HSF2: variants seen among roughly 807,000 people sequenced by gnomAD.
The protein encoded by HSF2 is heat shock factor protein 2.
HSF2 carries 21 observed loss-of-function variants against 65.0 expected under a neutral mutation model. That is an observed-to-expected ratio of 0.32 (90% CI 0.23 to 0.47). HSF2 has a LOEUF of 0.47. Among genes scored for constraint, HSF2 ranks in the 20% least tolerant of loss-of-function variants. HSF2 has a pLI of 1.00. For synonymous variants in HSF2, 225 were observed against 219.1 expected (o/e 1.03, Z -0.24); for missense variants, 499 against 628.1 (o/e 0.79, Z 2.20).
chr6:122,422,404 C>T, intron 8 of HSF2, 106 bp downstream of exon 8: 1 of 916,640 alleles, frequency 1.1e-6, no homozygotes. Flanking sequence ...ATCTTTCTCA[C>T]ATTTGGATTA....
intron 11 of HSF2, among the ~76,000 whole-genome samples, chr6:122,429,183 A>G (rs945026871): frequency 2.6e-5 from 4 of 152,068 alleles, no homozygotes; most frequent in African/African-American, 4.8e-5. Context: ...TTCAGTAAAT[A>G]TATTACTGAA....
chr6:122,408,335 TAAAA>T (rs368804491), intron 1 of HSF2, among the ~76,000 whole-genome samples: 27 of 133,034 alleles, frequency 2.0e-4, no homozygotes, highest in Admixed American at 7.5e-4. Context: ...TCAAGTTCCA[TAAAA>T]AAAAAAAAAG....
At chr6:122,421,677 G>A (rs1300551396) in intron 7 of HSF2, among the ~76,000 whole-genome samples, 1 of 151,964 alleles carries the variant, frequency 6.6e-6, no homozygotes, top group East Asian at 1.9e-4. Flanking sequence ...ATGTAACTGA[G>A]AGAGGTGAAG....
At chr6:122,429,365 C>T (rs192645761) in intron 11 of HSF2, among the ~76,000 whole-genome samples, 1,645 of 151,468 alleles carry the variant, frequency 0.011, 14 homozygotes, top group Middle Eastern at 0.037. Context: ...AGCAGTTAAG[C>T]AACAAATTGC....
chr6:122,408,760 A>G (rs1301529273), intron 1 of HSF2, among the ~76,000 whole-genome samples: 1 of 151,718 alleles, frequency 6.6e-6, no homozygotes, highest in Non-Finnish European at 1.5e-5. Context: ...AGCAATTATC[A>G]TGGCATTCTG....
intron 8 of HSF2, 60 bp from the exon 9 acceptor site, chr6:122,422,658 A>G (rs1322929366): frequency 6.5e-7 from 1 of 1,547,068 alleles, no homozygotes; most frequent in Non-Finnish European, 8.9e-7. Context: ...GAATGAATGG[A>G]TAGTATGAAC....
chr6:122,427,032 T>C (rs548537410), intron 10 of HSF2, among the ~76,000 whole-genome samples: 37 of 152,174 alleles, frequency 2.4e-4, no homozygotes, highest in Admixed American at 2.0e-3. Context: ...GGTACTGATA[T>C]ATATCACATA....
At chr6:122,431,644 A>G in intron 12 of HSF2, 130 bp downstream of exon 12, 1 of 548,770 alleles carries the variant, frequency 1.8e-6, no homozygotes, top group Non-Finnish European at 3.2e-6. Flanking sequence ...AGGTTCTAGT[A>G]TATAGAGAAA....
At chr6:122,412,268 G>A (rs1204052098) in intron 1 of HSF2, 105 bp from the exon 2 acceptor site, 11 of 690,576 alleles carry the variant, frequency 1.6e-5, no homozygotes, top group South Asian at 1.2e-4. Flanking sequence ...AAGACATCAA[G>A]GAGGGACTGG....
At chr6:122,429,038 G>A (rs1398598340) in intron 11 of HSF2, among the ~76,000 whole-genome samples, 2 of 152,066 alleles carry the variant, frequency 1.3e-5, no homozygotes, top group Non-Finnish European at 2.9e-5. Context: ...AGCAGATACA[G>A]ACAATATGTA....
Position 122,416,248 on chromosome 6 carries a change from G to T in HSF2, c.483G>T (p.Val161=). 1 of 1,610,280 alleles carries T rather than the reference G, an allele frequency of 6.2e-7. No homozygotes were observed. Among genetic ancestry groups the T allele is most frequent in the Non-Finnish European group, 8.5e-7 (1 of 1,176,718 alleles). ...AGAATGAGTCCCTTTGGAAGGAGGT[G>T]TCAGAATTACGAGCAAAGCATGCAC... ...KSENESLWKE[V]SELRAKHAQQ... The change falls in exon 5 of 13, where the codon GTG becomes GTT. Residue 161 remains valine, a synonymous_variant. Transcript: ENST00000368455.
Position 122,412,683 on chromosome 6 carries a change from A to G in HSF2, c.249A>G (p.Gln83=). 1 of 1,612,572 alleles carries G rather than the reference A, an allele frequency of 6.2e-7. No individual in the cohort carries two copies. Among genetic ancestry groups the G allele is most frequent in the Non-Finnish European group, 8.5e-7 (1 of 1,178,692 alleles). The change falls in exon 3 of 13, where the codon CAA becomes CAG. Residue 83 remains glutamine, a synonymous_variant. Coordinates refer to ENST00000368455, the MANE Select transcript of HSF2 (RefSeq NM_004506.4). ...VVHIDSGIVK[Q]ERDGPVEFQH... ...ATATCGACTCTGGAATTGTAAAGCA[A>G]GAAAGAGATGGTCCTGTAGAATTTC...
At chr6:122,419,921 T>C (rs1022092283) in intron 6 of HSF2, among the ~76,000 whole-genome samples, 5 of 151,762 alleles carry the variant, frequency 3.3e-5, no homozygotes, top group African/African-American at 1.2e-4. Flanking sequence ...ACAAAAAGAG[T>C]GTAGAAAAGT....
intron 1 of HSF2, among the ~76,000 whole-genome samples, chr6:122,401,824 C>CA (rs1773740669): frequency 6.6e-6 from 1 of 152,062 alleles, no homozygotes; most frequent in Non-Finnish European, 1.5e-5. Flanking sequence ...TTTGAAATGA[C>CA]TCTTAGAGAT....
chr6:122,407,836 G>A (rs1019386487), intron 1 of HSF2, among the ~76,000 whole-genome samples: 1 of 152,102 alleles, frequency 6.6e-6, no homozygotes, highest in African/African-American at 2.4e-5. Context: ...TCAACAACAG[G>A]CGTTTATTTT....
chr6:122,432,269 C>T lies in HSF2; in HGVS notation c.*49C>T, dbSNP rs1352565279. On this transcript the variant is annotated 3_prime_UTR_variant, in exon 13 of 13. Coordinates refer to ENST00000368455, the MANE Select transcript of HSF2 (RefSeq NM_004506.4). ...TGTATATATTCATCAAAATGATGAA[C>T]TATTTATTTTAAAGTATCATTTGGT... 4 of 1,380,080 alleles carry T rather than the reference C, an allele frequency of 2.9e-6. No individual in the cohort carries two copies. Among genetic ancestry groups the T allele is most frequent in the Non-Finnish European group, 3.0e-6 (3 of 1,000,062 alleles). The allele number at this position is 1,380,080 out of a possible 1,614,324, so 85.5% of individuals were successfully genotyped here.
chr6:122,428,931 A>G (rs115016846), intron 11 of HSF2, among the ~76,000 whole-genome samples: 1,814 of 152,184 alleles, frequency 0.012, 41 homozygotes, highest in African/African-American at 0.042. Flanking sequence ...GGAGGTTGGC[A>G]TACTTTCTCC....
At chr6:122,405,950 A>C (rs1196128713) in intron 1 of HSF2, among the ~76,000 whole-genome samples, 1 of 152,186 alleles carries the variant, frequency 6.6e-6, no homozygotes, top group African/African-American at 2.4e-5. Context: ...CACCAGTGAA[A>C]GCTGATGGTC....
intron 5 of HSF2, among the ~76,000 whole-genome samples, chr6:122,418,062 T>C (rs938399153): frequency 1.3e-5 from 2 of 152,200 alleles, no homozygotes; most frequent in South Asian, 2.1e-4. Flanking sequence ...TTAGAACCTG[T>C]ACAATAGATA....
Sources: allele counts gnomAD v4.1 joint callset (sites outside exome capture counted in the v4.1 genomes callset), GRCh38; gene constraint gnomAD v4.1.1; transcripts MANE v1.5; gene names NCBI Gene and HGNC (gene_info 2026-07-23, HGNC 2026-07-21).